Variants in DYNC2H1 observed in about 807,000 individuals in gnomAD.
The protein encoded by DYNC2H1 is cytoplasmic dynein 2 heavy chain 1.
DYNC2H1 carries 410 observed loss-of-function variants against 570.0 expected under a neutral mutation model. The ratio of observed to expected loss-of-function variants is 0.72; its 90% CI spans 0.66 to 0.78. The LOEUF (loss-of-function observed/expected upper bound fraction) is 0.78, where lower values mean the gene tolerates loss of function less well. DYNC2H1 is among the 30% of genes least tolerant of loss of function. The probability of loss-of-function intolerance (pLI) is 0.00; values close to 1 mark genes in which losing one functional copy is unlikely to be tolerated. For synonymous variants in DYNC2H1, 1,688 were observed against 1,677.6 expected (o/e 1.01, Z -0.15); for missense variants, 4,865 against 5,046.4 (o/e 0.96, Z 1.09).
In DYNC2H1 at chr11:103,203,830, A is replaced by G; in HGVS notation, c.8311+54A>G. ...TCAAACTGGTTTGTATGAAATATAT[A>G]TCATTTAATTTGCCTTATTTTGTCA... is the stretch of plus-strand genomic sequence containing the variant. On this transcript the variant is annotated intron_variant, in intron 51 of 88. Transcript: ENST00000375735. This position sits in a 1 kb window ranked among gnomAD's most constrained non-coding sequence, Gnocchi z 4.7. 4.0e-6 allele frequency: 5 copies of G among 1,240,902 alleles called. No individual in the cohort carries two copies. Among genetic ancestry groups the G allele is most frequent in the Middle Eastern group, 2.1e-4 (1 of 4,842 alleles). The allele number at this position is 1,240,902 out of a possible 1,614,324, so 76.9% of individuals were successfully genotyped here.
At chr11:103,477,711 G>T (rs1945599594) in intron 88 of DYNC2H1, among the ~76,000 whole-genome samples, 1 of 151,592 alleles carries the variant, frequency 6.6e-6, no homozygotes, top group Non-Finnish European at 1.5e-5. Flanking sequence ...GGTGCCTGTA[G>T]TCCCAGCTAC....
chr11:103,447,736 A>G (rs1484628234), intron 85 of DYNC2H1, among the ~76,000 whole-genome samples: 1 of 152,178 alleles, frequency 6.6e-6, no homozygotes, highest in Non-Finnish European at 1.5e-5. Flanking sequence ...TTTAAATTTT[A>G]TAAGCACTTG....
intron 82 of DYNC2H1, among the ~76,000 whole-genome samples, chr11:103,342,552 G>A (rs1939514857): frequency 6.7e-6 from 1 of 149,906 alleles, no homozygotes; most frequent in Admixed American, 6.7e-5. Flanking sequence ...GCCCAGGCTG[G>A]AGTGCAGTGG....
At position 103,187,368 on chromosome 11, in the gene DYNC2H1, C is replaced by G; in HGVS notation, c.6922C>G (p.Leu2308Val). Residue 2308 changes from leucine (L) to valine (V), a missense_variant, in exon 43 of 89, where the codon CTC (leucine) becomes GTC (valine). By Grantham distance (32) the Leu-to-Val change is conservative (BLOSUM62 1). This residue lies in a region of DYNC2H1 where 2,401 missense variants were observed against 2,454.6 expected (regional missense o/e 0.98). Coordinates refer to ENST00000375735, the MANE Select transcript of DYNC2H1 (RefSeq NM_001377.3). ...GMLLRYAFSQ[L>V]RSTQIATVHC... ...GCTGCTCAGGTACGCATTTTCACAACTCCGGTCCACTCAAATTGCTACAGT... is the reference window on the plus strand; with the variant it reads ...GCTGCTCAGGTACGCATTTTCACAAGTCCGGTCCACTCAAATTGCTACAGT... 1 of 1,613,072 alleles carries G rather than the reference C, an allele frequency of 6.2e-7. No homozygotes were observed. Among genetic ancestry groups the G allele is most frequent in the South Asian group, 1.1e-5 (1 of 91,066 alleles).
In DYNC2H1 at chr11:103,189,820, GAT is replaced by G; in HGVS notation, c.7437+7_7437+8del. ...TATGGTACAAGTGTATGAACAGGTA[GAT>G]ATGCATCTAAATTGTAGCTTTCATG... On this transcript the variant is annotated splice_donor_5th_base_variant and intron_variant, in intron 45 of 88. Transcript: ENST00000375735. This position sits in a 1 kb window ranked among gnomAD's most constrained non-coding sequence, Gnocchi z 4.3. The G allele has an allele frequency of 6.3e-7, 1 of 1,590,590 alleles. No individual in the cohort carries two copies. The highest frequency in any genetic ancestry group is 8.5e-7 in the Non-Finnish European group (1 of 1,171,632).
chr11:103,126,636 ATT>A lies in DYNC2H1; in HGVS notation c.1857+1358_1857+1359del, dbSNP rs35586253. On this transcript the variant is annotated intron_variant, in intron 12 of 88. Coordinates refer to ENST00000375735, the MANE Select transcript of DYNC2H1 (RefSeq NM_001377.3). ...AAGTTTCTCTGACTCTAGAACTCAT[ATT>A]TTTTTTTTTTTTTTTTGAGACGGAG... Among the ~76,000 whole-genome samples the A allele has an allele frequency of 6.5e-3, 735 of 112,798 alleles. 1 individual carries two copies. The highest frequency in any genetic ancestry group is 0.015 in the African/African-American group (441 of 29,690). 74.0% of individuals were successfully genotyped at this position (112,798 alleles called of 152,430 possible).
chr11:103,435,895 T>C lies in DYNC2H1; in HGVS notation c.12367-48T>C, dbSNP rs371215402. On this transcript the variant is annotated intron_variant, in intron 84 of 88. Coordinates refer to ENST00000375735, the MANE Select transcript of DYNC2H1 (RefSeq NM_001377.3). ...ACACTAGTGTTAGTAGTCTTCTATA[T>C]GTAGTATCATATACACAAACTTAAT... 4.4e-6 allele frequency: 7 copies of C among 1,575,648 alleles called. No individual in the cohort carries two copies. In the African/African-American group the frequency reaches 9.4e-5, roughly 21 times the overall value.
At position 103,235,679 on chromosome 11, in the gene DYNC2H1, A is replaced by G. The variant is rs1166664518; in HGVS notation, c.9575A>G (p.Glu3192Gly). 6.2e-7 allele frequency: 1 copy of G among 1,608,020 alleles called. No individual in the cohort carries two copies. The highest frequency in any genetic ancestry group is 8.5e-7 in the Non-Finnish European group (1 of 1,176,764). ...EHKRWNAQVV[E>G]ITEELATLPK... ...TCTCTCTCTTTTTTCCAGGTTGTAG[A>G]GATAACAGAGGAATTAGCTACTCTT... The change falls in exon 62 of 89, where the codon GAG (glutamate) becomes GGG (glycine). Residue 3192 changes from glutamate to glycine, a missense_variant. Physicochemically the swap from Glu to Gly is moderately conservative, Grantham distance 98. Transcript: ENST00000375735.
intron 34 of DYNC2H1, among the ~76,000 whole-genome samples, chr11:103,171,883 A>G (rs988642896): frequency 1.3e-5 from 2 of 152,168 alleles, no homozygotes; most frequent in African/African-American, 2.4e-5. Flanking sequence ...TCATTATTCT[A>G]TATGAATGTT....
rs775123924 is a variant in DYNC2H1, at chr11:103,121,381, T to C, written c.1370T>C (p.Leu457Ser). The C allele has an allele frequency of 6.2e-7, 1 of 1,601,544 alleles. No individual in the cohort carries two copies. The highest frequency in any genetic ancestry group is 1.1e-5 in the South Asian group (1 of 87,610). Residue 457 changes from leucine (L) to serine (S), a missense_variant, in exon 10 of 89, where the codon TTA (leucine) becomes TCA (serine). Coordinates refer to ENST00000375735, the MANE Select transcript of DYNC2H1 (RefSeq NM_001377.3). ...RLVDSIKDFRLDFENRCRGIP... is the reference protein window; with the variant it reads ...RLVDSIKDFRSDFENRCRGIP... ...GATTTAAATTTTATAGATTTTCGAT[T>C]AGACTTTGAGAATCGGTGCCGAGGA...
chr11:103,398,244 A>G (rs1168494675), intron 83 of DYNC2H1, among the ~76,000 whole-genome samples: 3 of 152,196 alleles, frequency 2.0e-5, no homozygotes, highest in African/African-American at 7.2e-5. Context: ...TGTGCTAAAT[A>G]TTATTTATTG....
intron 73 of DYNC2H1, 128 bp from the exon 74 acceptor site, chr11:103,286,127 G>A (rs1866342281): frequency 2.4e-6 from 3 of 1,254,356 alleles, no homozygotes; most frequent in Non-Finnish European, 3.3e-6. Flanking sequence ...ATTAGACAAG[G>A]CAACACAAAG....
Position 103,241,043 on chromosome 11 carries a change from C to T in DYNC2H1, c.9820-2650C>T, listed in dbSNP as rs1286469788. Among the ~76,000 whole-genome samples the T allele has an allele frequency of 2.0e-5, 3 of 152,050 alleles. No individual in the cohort carries two copies. The highest frequency in any genetic ancestry group is 4.4e-5 in the Non-Finnish European group (3 of 67,990). On this transcript the variant is annotated intron_variant, in intron 63 of 88. Coordinates refer to ENST00000375735, the MANE Select transcript of DYNC2H1 (RefSeq NM_001377.3). The surrounding 1 kb of genome is among the most constrained non-coding windows in gnomAD (Gnocchi z 5.1). Reference sequence around the variant, plus strand: ...GTTTTTGCCTGAAATGTTTTTCTTTCTTCACTTCTTTGCCTAGCTGATCTC... The same window carrying T: ...GTTTTTGCCTGAAATGTTTTTCTTTTTTCACTTCTTTGCCTAGCTGATCTC...
chr11:103,357,328 ATT>A (rs1035685568), intron 82 of DYNC2H1, among the ~76,000 whole-genome samples: 1 of 152,092 alleles, frequency 6.6e-6, no homozygotes, highest in Non-Finnish European at 1.5e-5. Context: ...AATAGGGAAT[ATT>A]TACCTTGCCT....
rs1296785509 is a variant in DYNC2H1 at position 103,117,878 on chromosome 11, A to G, written c.999+15A>G. 6.3e-7 allele frequency: 1 copy of G among 1,587,530 alleles called. No individual in the cohort carries two copies. Among genetic ancestry groups the G allele is most frequent in the African/African-American group, 1.3e-5 (1 of 74,184 alleles). ...GCCTTGAAGAGGTATCAATTTGATT[A>G]TCTAGATCTTTGTCTTTAAATGTAA... On this transcript the variant is annotated intron_variant, in intron 6 of 88. Coordinates refer to ENST00000375735, the MANE Select transcript of DYNC2H1 (RefSeq NM_001377.3).
chr11:103,364,030 A>C (rs1940779358), intron 83 of DYNC2H1, among the ~76,000 whole-genome samples: 1 of 152,206 alleles, frequency 6.6e-6, no homozygotes, highest in Non-Finnish European at 1.5e-5. Flanking sequence ...ATGTCTGGCT[A>C]TTCTAGATAT....
At chr11:103,237,623 T>A (rs1864270086) in intron 63 of DYNC2H1, among the ~76,000 whole-genome samples, 1 of 152,074 alleles carries the variant, frequency 6.6e-6, no homozygotes, top group South Asian at 2.1e-4. Context: ...TAAATAAATG[T>A]ATTACATTAT....
In DYNC2H1 at chr11:103,461,943, T is replaced by TTAAATA. The variant is rs1239282490; in HGVS notation, c.12648+5591_12648+5596dup. Reference sequence around the variant, plus strand: ...TGTTTCTTTAAAAATATTTTTTTTCTTAAATATAATGTATTATCACAAATA... The same window carrying TTAAATA: ...TGTTTCTTTAAAAATATTTTTTTTCTTAAATATAAATATAATGTATTATCACAAATA... On this transcript the variant is annotated intron_variant, in intron 87 of 88. Coordinates refer to ENST00000375735, the MANE Select transcript of DYNC2H1 (RefSeq NM_001377.3). This position sits in a 1 kb window ranked among gnomAD's most constrained non-coding sequence, Gnocchi z 4.8. 1.3e-5 allele frequency among the ~76,000 whole-genome samples: 2 copies of TTAAATA among 152,090 alleles called. No homozygotes were observed. The highest frequency in any genetic ancestry group is 3.8e-4 in the East Asian group (2 of 5,200).
Position 103,234,164 on chromosome 11 carries a change from T to A in DYNC2H1, c.9567+4T>A. The A allele has an allele frequency of 6.3e-7, 1 of 1,583,462 alleles. No homozygotes were observed. ...ACATAAGAGATGGAATGCACAGGTTTGTTTGAGAGAGGGGCCATGAGGAGT... is the reference window on the plus strand; with the variant it reads ...ACATAAGAGATGGAATGCACAGGTTAGTTTGAGAGAGGGGCCATGAGGAGT... On this transcript the variant is annotated splice_donor_region_variant and intron_variant, in intron 61 of 88. Transcript: ENST00000375735.
Sources: allele counts gnomAD v4.1 joint callset (sites outside exome capture counted in the v4.1 genomes callset), GRCh38; gene constraint gnomAD v4.1.1; regional missense constraint gnomAD v4.1.1; non-coding constraint Gnocchi (gnomAD v3.1); transcripts MANE v1.5; gene names NCBI Gene and HGNC (gene_info 2026-07-23, HGNC 2026-07-21).